PLXDC2: variants seen among roughly 807,000 people sequenced by gnomAD.
The protein encoded by PLXDC2 is plexin domain-containing protein 2.
PLXDC2 carries 40 observed loss-of-function variants against 68.9 expected under a neutral mutation model. The observed-to-expected ratio is 0.58, with a 90% CI of 0.45 to 0.76. The LOEUF (loss-of-function observed/expected upper bound fraction) is 0.76, where lower values mean the gene tolerates loss of function less well. Ranked by LOEUF, PLXDC2 falls within the 30% of genes least tolerant of loss-of-function variation. PLXDC2 has a pLI of 0.00. For synonymous variants in PLXDC2, 243 were observed against 234.2 expected (o/e 1.04, Z -0.34); for missense variants, 644 against 661.9 (o/e 0.97, Z 0.30).
chr10:20,164,582 G>T lies in PLXDC2; in HGVS notation c.883+15G>T, dbSNP rs1269516839. 1 of 1,588,212 alleles carries T rather than the reference G, an allele frequency of 6.3e-7. No individual in the cohort carries two copies. Among genetic ancestry groups the T allele is most frequent in the East Asian group, 2.2e-5 (1 of 44,564 alleles). On this transcript the variant is annotated intron_variant, in intron 7 of 13. Transcript: ENST00000377252. ...ACAAATTCCCAGTACGTAGAAGAAG[G>T]GCAGTCGCAATGAGTGAGCCTCTGT...
chr10:20,266,000 A>G (rs1835867673), intron 13 of PLXDC2, among the ~76,000 whole-genome samples: 1 of 152,222 alleles, frequency 6.6e-6, no homozygotes, highest in Non-Finnish European at 1.5e-5. Context: ...CCTCCCTGTA[A>G]GGAATACTGG....
intron 13 of PLXDC2, among the ~76,000 whole-genome samples, chr10:20,255,079 A>G (rs149245379): frequency 4.7e-4 from 72 of 152,314 alleles, no homozygotes; most frequent in African/African-American, 1.6e-3. Context: ...AATATCTTAT[A>G]CTAATTTGCT....
rs142915034 is a variant in PLXDC2 at position 19,984,936 on chromosome 10, A to G, written c.113-16839A>G. 1.2e-3 allele frequency among the ~76,000 whole-genome samples: 184 copies of G among 152,328 alleles called. 1 individual carries two copies. Among genetic ancestry groups the G allele is most frequent in the African/African-American group, 4.2e-3 (175 of 41,580 alleles). ...TTCAACGTGTAGGAATTTCGGTTGT[A>G]TAACAGCTGTCCCTAATTTTTTCTT... On this transcript the variant is annotated intron_variant, in intron 1 of 13. Coordinates refer to ENST00000377252, the MANE Select transcript of PLXDC2 (RefSeq NM_032812.9).
rs767332267 is a variant in PLXDC2, at chr10:20,164,456, G to GT, written c.784-5dup. 38 of 1,598,998 alleles carry GT rather than the reference G, an allele frequency of 2.4e-5. No individual in the cohort carries two copies. The highest frequency in any genetic ancestry group is 3.3e-5 in the Non-Finnish European group (38 of 1,166,850). Reference sequence around the variant, plus strand: ...GATCTAACATATAGTTACCTGCTTTGTTTTTTTCCAGATTCCTGTCTTGGT... The same window carrying GT: ...GATCTAACATATAGTTACCTGCTTTGTTTTTTTTCCAGATTCCTGTCTTGGT... On this transcript the variant is annotated splice_polypyrimidine_tract_variant and intron_variant, in intron 6 of 13. Transcript: ENST00000377252.
intron 1 of PLXDC2, among the ~76,000 whole-genome samples, chr10:19,830,684 A>T (rs561037936): frequency 1.4e-4 from 17 of 122,340 alleles, no homozygotes; most frequent in African/African-American, 4.9e-4. Context: ...GTGTATCTTC[A>T]CCCCTGGACC....
At chr10:20,065,350 A>G (rs575730114) in intron 3 of PLXDC2, among the ~76,000 whole-genome samples, 6 of 152,096 alleles carry the variant, frequency 3.9e-5, no homozygotes, top group Non-Finnish European at 5.9e-5. Flanking sequence ...CATGTTCACC[A>G]TGTTGGTGTG....
chr10:20,230,522 A>G (rs79216221), intron 12 of PLXDC2, among the ~76,000 whole-genome samples: 1 of 151,480 alleles, frequency 6.6e-6, no homozygotes, highest in African/African-American at 2.4e-5. Context: ...ATACAAAAAA[A>G]TTAGCCGAGC....
intron 1 of PLXDC2, among the ~76,000 whole-genome samples, chr10:19,908,699 C>T (rs1481855544): frequency 6.6e-6 from 1 of 152,016 alleles, no homozygotes; most frequent in Non-Finnish European, 1.5e-5. Context: ...GCTTACCTGA[C>T]AATATACCCT....
intron 1 of PLXDC2, among the ~76,000 whole-genome samples, chr10:19,985,376 GC>G (rs1220014670): frequency 6.6e-6 from 1 of 152,214 alleles, no homozygotes; most frequent in Non-Finnish European, 1.5e-5. Flanking sequence ...ACACCTTGAT[GC>G]AGGAAGTTTA....
intron 6 of PLXDC2, among the ~76,000 whole-genome samples, chr10:20,157,057 C>T (rs1244140802): frequency 1.3e-5 from 2 of 152,128 alleles, no homozygotes; most frequent in Non-Finnish European, 2.9e-5. Context: ...GTAGCTTGTG[C>T]TACAGGTTGT....
chr10:19,913,789 A>G (rs1833317085), intron 1 of PLXDC2, among the ~76,000 whole-genome samples: 1 of 152,152 alleles, frequency 6.6e-6, no homozygotes, highest in South Asian at 2.1e-4. Flanking sequence ...TCTTTTTCTT[A>G]GAAAGTGTTT....
At chr10:20,262,854 C>A (rs2119368213) in intron 13 of PLXDC2, among the ~76,000 whole-genome samples, 1 of 152,322 alleles carries the variant, frequency 6.6e-6, no homozygotes, top group African/African-American at 2.4e-5. Context: ...CCTCACCAGG[C>A]AGGTCCTCCA....
intron 1 of PLXDC2, among the ~76,000 whole-genome samples, chr10:19,831,265 C>T (rs1282268274): frequency 6.6e-6 from 1 of 151,888 alleles, no homozygotes; most frequent in East Asian, 1.9e-4. Flanking sequence ...ATTACATATT[C>T]AATTCTTGTA....
Position 19,915,883 on chromosome 10 carries a change from G to A in PLXDC2, c.113-85892G>A, listed in dbSNP as rs201343756. Among the ~76,000 whole-genome samples the A allele has an allele frequency of 9.9e-3, 1,427 of 144,366 alleles. 18 individuals carry two copies. Among genetic ancestry groups the A allele is most frequent in the Middle Eastern group, 0.014 (4 of 290 alleles). The allele number at this position is 144,366 out of a possible 152,430, so 94.7% of individuals were successfully genotyped here. On this transcript the variant is annotated intron_variant, in intron 1 of 13. Transcript: ENST00000377252. ...AAAAAAAGAAGAAGAAGAAGAAGAAGAAAAAAAACAGCTGCTGTAGCCTCT... is the reference window on the plus strand; with the variant it reads ...AAAAAAAGAAGAAGAAGAAGAAGAAAAAAAAAAACAGCTGCTGTAGCCTCT...
intron 9 of PLXDC2, among the ~76,000 whole-genome samples, chr10:20,188,299 T>A (rs1241931247): frequency 6.6e-6 from 1 of 151,736 alleles, no homozygotes; most frequent in African/African-American, 2.4e-5. Context: ...CATTATCCTA[T>A]TCTCTACTTC....
intron 4 of PLXDC2, among the ~76,000 whole-genome samples, chr10:20,130,768 A>G (rs1833857117): frequency 7.1e-6 from 1 of 140,786 alleles, no homozygotes; most frequent in African/African-American, 2.4e-5. Context: ...TTTAATCTTC[A>G]TTCTATTAAT....
chr10:19,851,467 C>G (rs1177032663), intron 1 of PLXDC2, among the ~76,000 whole-genome samples: 1 of 152,204 alleles, frequency 6.6e-6, no homozygotes, highest in Non-Finnish European at 1.5e-5. Flanking sequence ...CTCTGAGAAG[C>G]TGTCTTTGAC....
At chr10:20,189,212 T>G (rs920106093) in intron 9 of PLXDC2, among the ~76,000 whole-genome samples, 2 of 151,238 alleles carry the variant, frequency 1.3e-5, no homozygotes, top group African/African-American at 4.8e-5. Context: ...TGAGGTATGA[T>G]GTTATTTTAT....
intron 2 of PLXDC2, among the ~76,000 whole-genome samples, chr10:20,035,224 TCAAAC>T (rs1219128876): frequency 6.6e-6 from 1 of 152,106 alleles, no homozygotes; most frequent in Non-Finnish European, 1.5e-5. Flanking sequence ...GCAAACGACA[TCAAAC>T]CTCCTAGAAA....
Sources: allele counts gnomAD v4.1 joint callset (sites outside exome capture counted in the v4.1 genomes callset), GRCh38; gene constraint gnomAD v4.1.1; transcripts MANE v1.5; gene names NCBI Gene and HGNC (gene_info 2026-07-23, HGNC 2026-07-21).